ZNF585A: variants seen among roughly 807,000 people sequenced by gnomAD.
The protein encoded by ZNF585A is zinc finger protein 585A.
A neutral mutation model predicts 14.9 loss-of-function variants in ZNF585A; 9 were observed. The observed-to-expected ratio is 0.60, with a 90% CI of 0.36 to 1.05. The LOEUF (loss-of-function observed/expected upper bound fraction) is 1.05, where lower values mean the gene tolerates loss of function less well. Among genes scored for constraint, ZNF585A ranks in the 50% least tolerant of loss-of-function variants. ZNF585A has a pLI of 0.01. For synonymous variants in ZNF585A, 276 were observed against 319.9 expected, an observed-to-expected ratio of 0.86 and a Z score of 1.46; for missense variants, 726 against 926.4, an observed-to-expected ratio of 0.78 and a Z score of 2.81.
intron 2 of ZNF585A, among the ~76,000 whole-genome samples, chr19:37,159,330 T>C (rs2145406747): frequency 6.6e-6 from 1 of 151,818 alleles, no homozygotes; most frequent in African/African-American, 2.4e-5. Context: ...GGGATCTTTA[T>C]ACTATTATCT....
chr19:37,171,044 T>A (rs1465754109), intron 1 of ZNF585A, among the ~76,000 whole-genome samples: 1 of 152,244 alleles, frequency 6.6e-6, no homozygotes, highest in Non-Finnish European at 1.5e-5. Context: ...AGACATTCAT[T>A]GCATAAATGG....
At chr19:37,171,596 A>G (rs771597860) in intron 1 of ZNF585A, among the ~76,000 whole-genome samples, 1 of 152,206 alleles carries the variant, frequency 6.6e-6, no homozygotes, top group Non-Finnish European at 1.5e-5. Context: ...AGTCATATCT[A>G]TAAAGTATTA....
chr19:37,152,640 A>G lies in ZNF585A; in HGVS notation c.1259T>C (p.Ile420Thr). Reference protein sequence around the residue: ...YICMKCGLAFIQKAHLIAHQI... With the variant: ...YICMKCGLAFTQKAHLIAHQI... The stretch of plus-strand genomic sequence containing the variant: ...ATGTGCAATCAAGTGTGCCTTCTGA[A>G]TGAAGGCCAGTCCACATTTCATGCA... Residue 420 changes from isoleucine (I) to threonine (T), a missense_variant, in exon 5 of 5, where the codon ATT becomes ACT. Coordinates refer to ENST00000292841, the MANE Select transcript of ZNF585A (RefSeq NM_001288800.2). The G allele has an allele frequency of 1.2e-6, 2 of 1,613,928 alleles. No individual in the cohort carries two copies. The highest frequency in any genetic ancestry group is 1.3e-5 in the African/African-American group (1 of 74,972).
chr19:37,163,996 T>G (rs1972049536), intron 2 of ZNF585A, among the ~76,000 whole-genome samples: 1 of 152,192 alleles, frequency 6.6e-6, no homozygotes, highest in Non-Finnish European at 1.5e-5. Flanking sequence ...AGCCTCCTCC[T>G]TAATATTAGA....
intron 2 of ZNF585A, among the ~76,000 whole-genome samples, chr19:37,163,672 T>C (rs185361976): frequency 9.9e-4 from 150 of 152,040 alleles, no homozygotes; most frequent in African/African-American, 3.5e-3. Flanking sequence ...ACAGTACAAA[T>C]TTAATAAATA....
In ZNF585A at chr19:37,152,314, T is replaced by C; in HGVS notation, c.1585A>G (p.Lys529Glu). ...EKPYECNTCG[K>E]AFTQKSHLNI... ...AGGTGTGACTTCTGAGTGAAGGCTT[T>C]TCCACAAGTATTGCATTCATAAGGC... The change falls in exon 5 of 5, where the codon AAA (lysine) becomes GAA (glutamate). Residue 529 changes from lysine to glutamate, a missense_variant. Coordinates refer to ENST00000292841, the MANE Select transcript of ZNF585A (RefSeq NM_001288800.2). 5 of 1,614,190 alleles carry C rather than the reference T, an allele frequency of 3.1e-6. No individual in the cohort carries two copies. Among genetic ancestry groups the C allele is most frequent in the South Asian group, 1.1e-5 (1 of 91,080 alleles).
chr19:37,166,138 C>A (rs1175805914), intron 2 of ZNF585A, among the ~76,000 whole-genome samples: 1 of 150,168 alleles, frequency 6.7e-6, no homozygotes, highest in Non-Finnish European at 1.5e-5. Flanking sequence ...CTCAGCCTCC[C>A]AAGTACCTGG....
In ZNF585A at chr19:37,169,784, A is replaced by T; in HGVS notation, c.72+55T>A. On this transcript the variant is annotated intron_variant, in intron 2 of 4. Coordinates refer to ENST00000292841, the MANE Select transcript of ZNF585A (RefSeq NM_001288800.2). ...AGTCATGAGGTTCTAGTGACAGACCAGAGATACCTAGTCCTGGATTGAATT... is the reference window on the plus strand; with the variant it reads ...AGTCATGAGGTTCTAGTGACAGACCTGAGATACCTAGTCCTGGATTGAATT... The T allele has an allele frequency of 3.2e-6, 5 of 1,584,284 alleles. No homozygotes were observed. The South Asian group carries it at 5.5e-5, about 18-fold the overall frequency.
In ZNF585A at chr19:37,169,786, A is replaced by G. The variant is rs113562649; in HGVS notation, c.72+53T>C. 2.5e-6 allele frequency: 4 copies of G among 1,599,054 alleles called. No individual in the cohort carries two copies. In the African/African-American group the frequency reaches 5.4e-5, roughly 21 times the overall value. On this transcript the variant is annotated intron_variant, in intron 2 of 4. Transcript: ENST00000292841. ...TCATGAGGTTCTAGTGACAGACCAGAGATACCTAGTCCTGGATTGAATTCC... is the reference window on the plus strand; with the variant it reads ...TCATGAGGTTCTAGTGACAGACCAGGGATACCTAGTCCTGGATTGAATTCC...
In ZNF585A at chr19:37,152,172, T is replaced by G; in HGVS notation, c.1727A>C (p.Lys576Thr). The G allele has an allele frequency of 6.2e-7, 1 of 1,609,978 alleles. No individual in the cohort carries two copies. The highest frequency in any genetic ancestry group is 8.5e-7 in the Non-Finnish European group (1 of 1,177,330). The change falls in exon 5 of 5, where the codon AAA becomes ACA. Residue 576 changes from lysine (K) to threonine (T), a missense_variant. Lys to Thr is a moderately conservative substitution (Grantham distance 78). This residue lies in a region of ZNF585A where 243 missense variants were observed against 383.6 expected (regional missense o/e 0.63). Transcript: ENST00000292841. Reference protein sequence around the residue: ...IVHQKIHTGEKPYVCTECGRA... With the variant: ...IVHQKIHTGETPYVCTECGRA... The stretch of plus-strand genomic sequence containing the variant: ...TCCACACTCAGTGCATACATAGGGT[T>G]TCTCTCCTGTATGAATTTTCTGATG...
intron 2 of ZNF585A, 75 bp downstream of exon 2, chr19:37,169,764 T>G: frequency 1.6e-5 from 25 of 1,568,222 alleles, no homozygotes; most frequent in Non-Finnish European, 1.7e-5. Context: ...CCCTCAGTCA[T>G]GAGGTTCTAG....
In ZNF585A at chr19:37,155,864, C is replaced by G; in HGVS notation, c.292+1G>C. 6.2e-7 allele frequency: 1 copy of G among 1,612,212 alleles called. No individual in the cohort carries two copies. The highest frequency in any genetic ancestry group is 8.5e-7 in the Non-Finnish European group (1 of 1,180,008). ...ACCGGATTCACACTCGCTTCACTCA[C>G]CTGGGCAGCTCTGACGTGGCCTCTC... On this transcript the variant is annotated splice_donor_variant, in intron 4 of 4. Transcript: ENST00000292841. LOFTEE classifies it high-confidence loss of function.
At position 37,156,275 on chromosome 19, in the gene ZNF585A, C is replaced by G. The variant is rs1411901514; in HGVS notation, c.153G>C (p.Leu51=). The change falls in exon 3 of 5, where the codon CTG becomes CTC. Residue 51 remains leucine, a synonymous_variant. Coordinates refer to ENST00000292841, the MANE Select transcript of ZNF585A (RefSeq NM_001288800.2). ...WRHLDPSQRN[L]YRDVMLETYS... is the part of the protein sequence containing the mutation. ...AGGTCTCCAGCATCACATCCCGGTACAGGTTTCTCTGAGAAGGGTCCAGGT... is the reference window on the plus strand; with the variant it reads ...AGGTCTCCAGCATCACATCCCGGTAGAGGTTTCTCTGAGAAGGGTCCAGGT... The G allele has an allele frequency of 4.3e-6, 7 of 1,614,176 alleles. No homozygotes were observed. The highest frequency in any genetic ancestry group is 5.1e-6 in the Non-Finnish European group (6 of 1,180,024).
intron 1 of ZNF585A, 47 bp from the exon 2 acceptor site, chr19:37,170,101 T>C (rs1259513319): frequency 1.6e-6 from 1 of 606,254 alleles, no homozygotes; most frequent in Admixed American, 3.0e-5. Context: ...ATTCAACACA[T>C]AAGCACTTCC....
chr19:37,163,820 C>T lies in ZNF585A; in HGVS notation c.72+6019G>A, dbSNP rs1230073050. ...ATGGAAGACACACAGAAACAAAGCA[C>T]AAATATAGAGTATATAGTGAAAGAT... On this transcript the variant is annotated intron_variant, in intron 2 of 4. Transcript: ENST00000292841. 2.0e-5 allele frequency among the ~76,000 whole-genome samples: 3 copies of T among 151,672 alleles called. No homozygotes were observed. In the East Asian group the frequency reaches 5.8e-4, roughly 29 times the overall value.
chr19:37,155,634 A>G (rs112604256), intron 4 of ZNF585A, among the ~76,000 whole-genome samples: 2,119 of 152,122 alleles, frequency 0.014, 47 homozygotes, highest in African/African-American at 0.048. Flanking sequence ...CAGCCTGGGC[A>G]ACACAGCCCC....
At chr19:37,168,872 G>T (rs1555777221) in intron 2 of ZNF585A, among the ~76,000 whole-genome samples, 1 of 151,962 alleles carries the variant, frequency 6.6e-6, no homozygotes, top group African/African-American at 2.4e-5. Context: ...GAAATAGAAA[G>T]AAAAAAATGT....
chr19:37,159,294 C>G (rs924630435), intron 2 of ZNF585A, among the ~76,000 whole-genome samples: 7 of 144,966 alleles, frequency 4.8e-5, no homozygotes, highest in African/African-American at 1.8e-4. Context: ...ACGACTGAAA[C>G]TGGGTGACAG....
chr19:37,164,902 G>C (rs1460237428), intron 2 of ZNF585A, among the ~76,000 whole-genome samples: 1 of 152,128 alleles, frequency 6.6e-6, no homozygotes, highest in Admixed American at 6.5e-5. Flanking sequence ...CAAACTCATG[G>C]GCTCAAGCAA....
Sources: gnomAD v4.1 joint callset for allele counts (sites outside exome capture counted in the v4.1 genomes callset) on GRCh38, gnomAD v4.1.1 for gene constraint, gnomAD v4.1.1 regional missense constraint, MANE v1.5 for transcripts, NCBI Gene and HGNC (gene_info 2026-07-23, HGNC 2026-07-21) for gene names.